The following TET1 variants were observed in gnomAD, a reference collection of about 807,000 sequenced individuals.
The protein encoded by TET1 is methylcytosine dioxygenase TET1.
TET1 carries 13 observed loss-of-function variants against 148.7 expected under a neutral mutation model. The ratio of observed to expected loss-of-function variants is 0.09; its 90% CI spans 0.06 to 0.14. The LOEUF (loss-of-function observed/expected upper bound fraction) is 0.14, where lower values mean the gene tolerates loss of function less well. Ranked by LOEUF, TET1 falls within the 10% of genes least tolerant of loss-of-function variation. The pLI, the probability that TET1 is intolerant of heterozygous loss-of-function variation, is 1.00. For synonymous variants in TET1, 907 were observed against 937.2 expected, an observed-to-expected ratio of 0.97 and a Z score of 0.59; for missense variants, 2,182 against 2,553.8, an observed-to-expected ratio of 0.85 and a Z score of 3.14.
At chr10:68,576,853 T>C (rs2053736630) in intron 2 of TET1, among the ~76,000 whole-genome samples, 1 of 151,940 alleles carries the variant, frequency 6.6e-6, no homozygotes, top group South Asian at 2.1e-4. Flanking sequence ...GATTCTCTCT[T>C]GCTTCAACCT....
intron 3 of TET1, among the ~76,000 whole-genome samples, chr10:68,609,254 C>G (rs909002729): frequency 1.3e-5 from 2 of 152,162 alleles, no homozygotes; most frequent in African/African-American, 4.8e-5. Context: ...CTCCACCTCC[C>G]AGGTTCAAGT....
chr10:68,636,981 T>TGTGTGTGTGTG (rs61255091), intron 3 of TET1, among the ~76,000 whole-genome samples: 3,970 of 102,420 alleles, frequency 0.039, 83 homozygotes, highest in Middle Eastern at 0.068. Flanking sequence ...ATTTTACTCG[T>TGTGTGTGTGTG]TGTGTGTGTG....
intron 6 of TET1, 123 bp downstream of exon 6, chr10:68,652,717 C>T (rs1365401596): frequency 4.5e-6 from 3 of 665,874 alleles, no homozygotes; most frequent in African/African-American, 1.9e-5. Flanking sequence ...ATTTTTGAGA[C>T]AGGCTTTGTC....
chr10:68,681,110 A>C (rs142000101), intron 8 of TET1, among the ~76,000 whole-genome samples: 1 of 152,378 alleles, frequency 6.6e-6, no homozygotes, highest in Admixed American at 6.5e-5. Context: ...TAAATATAAA[A>C]CATAGCTCTC....
At chr10:68,622,741 G>C (rs1019404849) in intron 3 of TET1, among the ~76,000 whole-genome samples, 1 of 150,474 alleles carries the variant, frequency 6.6e-6, no homozygotes, top group Non-Finnish European at 1.5e-5. Context: ...CCCTGAAATT[G>C]GTTTTTAAGA....
At chr10:68,668,557 A>G (rs1362304623) in intron 7 of TET1, among the ~76,000 whole-genome samples, 1 of 152,220 alleles carries the variant, frequency 6.6e-6, no homozygotes, top group Non-Finnish European at 1.5e-5. Flanking sequence ...TAGTTGTAAG[A>G]GGAGATAAGT....
At position 68,673,035 on chromosome 10, in the gene TET1, C is replaced by G; in HGVS notation, c.4814C>G (p.Ser1605Cys). The change falls in exon 8 of 12, where the codon TCT (serine) becomes TGT (cysteine). Residue 1605 changes from serine to cysteine, a missense_variant. Physicochemically the swap from Ser to Cys is moderately radical, Grantham distance 112. Around this residue, in one of 11 missense-constraint regions of TET1, gnomAD observed 55 missense variants for 149.8 expected, o/e 0.37. Coordinates refer to ENST00000373644, the MANE Select transcript of TET1 (RefSeq NM_030625.3). ...SPRRFRIDPSSPLHEKNLEDN... is the reference protein window; with the variant it reads ...SPRRFRIDPSCPLHEKNLEDN... ...AGAAGATTTAGAATTGATCCAAGCT[C>G]TCCCTTACATGTAAGTGTCCTTCTT... 6.2e-7 allele frequency: 1 copy of G among 1,607,548 alleles called. No homozygotes were observed. Among genetic ancestry groups the G allele is most frequent in the South Asian group, 1.1e-5 (1 of 90,130 alleles).
At chr10:68,589,654 T>C (rs1409351012) in intron 2 of TET1, among the ~76,000 whole-genome samples, 1 of 139,176 alleles carries the variant, frequency 7.2e-6, no homozygotes, top group Non-Finnish European at 1.5e-5. Context: ...GCTCGGTTAA[T>C]ATCTCCAATT....
chr10:68,673,598 G>A (rs61868127), intron 8 of TET1: 6 of 162,264 alleles, frequency 3.7e-5, no homozygotes, highest in Admixed American at 1.9e-4. Context: ...TTATCAGCTC[G>A]TGGGTGGGTA....
At chr10:68,570,333 G>GACC (rs2053654271) in intron 1 of TET1, among the ~76,000 whole-genome samples, 2 of 152,044 alleles carry the variant, frequency 1.3e-5, no homozygotes, top group African/African-American at 4.8e-5. Context: ...TCAAACTCCT[G>GACC]ACCTCAGGTG....
chr10:68,608,228 G>A (rs868488261), intron 3 of TET1, among the ~76,000 whole-genome samples: 2 of 138,156 alleles, frequency 1.4e-5, no homozygotes, highest in Middle Eastern at 5.1e-3. Flanking sequence ...GTGCCCAGCC[G>A]ACAATGTCCT....
intron 2 of TET1, among the ~76,000 whole-genome samples, chr10:68,575,363 C>T (rs1590161603): frequency 6.9e-6 from 1 of 145,008 alleles, no homozygotes; most frequent in Non-Finnish European, 1.5e-5. Flanking sequence ...CAGCCTAGGC[C>T]ACAAAAGCGA....
chr10:68,652,443 C>T, intron 5 of TET1, 58 bp from the exon 6 acceptor site: 3 of 1,278,102 alleles, frequency 2.3e-6, no homozygotes. Context: ...AAAGCCAAAG[C>T]CTTCAAGTAC....
rs554956061 is a variant in TET1 at position 68,595,514 on chromosome 10, A to G, written c.1915-5467A>G. ...AGGTAGTTTGTACTTACAGTTTCTT[A>G]TCAATCCAGAGGTGCATATACCCAG... On this transcript the variant is annotated intron_variant, in intron 2 of 11. Coordinates refer to ENST00000373644, the MANE Select transcript of TET1 (RefSeq NM_030625.3). Among the ~76,000 whole-genome samples, 4 of 151,356 alleles carry G rather than the reference A, an allele frequency of 2.6e-5. No homozygotes were observed. The South Asian group carries it at 8.4e-4, about 32-fold the overall frequency.
At chr10:68,665,554 T>C (rs771415945) in intron 6 of TET1, among the ~76,000 whole-genome samples, 1 of 152,148 alleles carries the variant, frequency 6.6e-6, no homozygotes, top group Non-Finnish European at 1.5e-5. Context: ...TATTGTACAC[T>C]GATGGAAACT....
intron 9 of TET1, among the ~76,000 whole-genome samples, chr10:68,682,294 TAG>T (rs2055447498): frequency 6.6e-6 from 1 of 151,724 alleles, no homozygotes; most frequent in Non-Finnish European, 1.5e-5. Flanking sequence ...GTATTTTTAG[TAG>T]AGATGGGGTT....
intron 3 of TET1, among the ~76,000 whole-genome samples, chr10:68,634,898 A>G (rs1469459245): frequency 1.3e-5 from 2 of 152,016 alleles, no homozygotes; most frequent in Non-Finnish European, 2.9e-5. Flanking sequence ...TGTAGCTGAG[A>G]TTACAGGTGT....
intron 1 of TET1, among the ~76,000 whole-genome samples, chr10:68,567,168 G>GT (rs35828160): frequency 0.047 from 7,080 of 152,186 alleles, 209 homozygotes; most frequent in South Asian, 0.081. Context: ...AGTGCCACTA[G>GT]TTTTTTCCTG....
rs375262638 is a variant in TET1, at chr10:68,645,268, G to A, written c.2539G>A (p.Ala847Thr). 25 of 1,613,976 alleles carry A rather than the reference G, an allele frequency of 1.5e-5. No individual in the cohort carries two copies. In the African/African-American group the frequency reaches 2.1e-4, roughly 14 times the overall value. ...TTCACACTCCATCATAAATCATCAT[G>A]CTAGTATACACAATGAAGGTGATCA... is the stretch of plus-strand genomic sequence containing the variant. The part of the protein sequence containing the change: ...HSSHSIINHH[A>T]SIHNEGDQPK... The change falls in exon 4 of 12, where the codon GCT becomes ACT. Residue 847 changes from alanine (A) to threonine (T), a missense_variant. Physicochemically the swap from Ala to Thr is moderately conservative, Grantham distance 58. Coordinates refer to ENST00000373644, the MANE Select transcript of TET1 (RefSeq NM_030625.3).
Sources: gnomAD v4.1 joint callset for allele counts (sites outside exome capture counted in the v4.1 genomes callset) on GRCh38, gnomAD v4.1.1 for gene constraint, gnomAD v4.1.1 regional missense constraint, MANE v1.5 for transcripts, NCBI Gene and HGNC (gene_info 2026-07-23, HGNC 2026-07-21) for gene names.